Variants in ENTREP1 observed in about 807,000 individuals in gnomAD.
ENTREP1 encodes the protein Friedreich ataxia region gene X123.
chr9:69,328,442 G>T, the ENTREP1 span, among the ~76,000 whole-genome samples: 1 of 151,982 alleles, frequency 6.6e-6, no homozygotes, highest in Non-Finnish European at 1.5e-5. Flanking sequence ...TAGAAAGAAG[G>T]GTGTAATGAT....
chr9:69,349,184 CAAAAAAAAAAAAAAAAAAAAAAAA>C, the ENTREP1 span, among the ~76,000 whole-genome samples: 1 of 85,290 alleles, frequency 1.2e-5, no homozygotes, highest in Non-Finnish European at 2.3e-5. Context: ...AACTCCATCT[CAAAAAAAAAAAAAAAAAAAAAAAA>C]AAAGAGAAAA....
At chr9:69,384,152 G>A in the ENTREP1 span, 331 of 631,926 alleles carry the variant, frequency 5.2e-4, 1 homozygote, top group African/African-American at 5.2e-3. Context: ...GAGGCCAGGA[G>A]TTTGAGGCCA....
chr9:69,335,361 C>T, the ENTREP1 span, among the ~76,000 whole-genome samples: 2 of 152,108 alleles, frequency 1.3e-5, no homozygotes, highest in African/African-American at 4.8e-5. Flanking sequence ...GTGAGGGCTT[C>T]TCAGGGCAGG....
the ENTREP1 span, chr9:69,386,051 G>A: frequency 9.1e-7 from 1 of 1,101,066 alleles, no homozygotes; most frequent in Non-Finnish European, 1.2e-6. Flanking sequence ...TGCAGTTTAA[G>A]TGGTCATTTG....
chr9:69,358,171 ACTTCTTC>A, the ENTREP1 span, among the ~76,000 whole-genome samples: 15 of 152,170 alleles, frequency 9.9e-5, no homozygotes, highest in Middle Eastern at 3.4e-3. Context: ...TACCATTCTC[ACTTCTTC>A]CTTTGACATA....
chr9:69,337,408 A>G, the ENTREP1 span, among the ~76,000 whole-genome samples: 1 of 152,184 alleles, frequency 6.6e-6, no homozygotes, highest in Non-Finnish European at 1.5e-5. Context: ...ATTTTGTTGC[A>G]TAGATTTGCT....
At chr9:69,345,240 T>A in the ENTREP1 span, among the ~76,000 whole-genome samples, 1 of 152,134 alleles carries the variant, frequency 6.6e-6, no homozygotes, top group African/African-American at 2.4e-5. Context: ...GTCTCAACGG[T>A]GATACCAAAG....
the ENTREP1 span, chr9:69,329,371 AT>A: frequency 1.0e-6 from 1 of 967,472 alleles, no homozygotes; most frequent in South Asian, 4.8e-5. Flanking sequence ...GTTCAAGGAT[AT>A]TTTTTCATAT....
the ENTREP1 span, among the ~76,000 whole-genome samples, chr9:69,332,805 C>T: frequency 6.6e-6 from 1 of 152,100 alleles, no homozygotes; most frequent in African/African-American, 2.4e-5. Flanking sequence ...ACTCCTGGGA[C>T]TTTTTTCCGC....
chr9:69,345,362 C>T, the ENTREP1 span, among the ~76,000 whole-genome samples: 1 of 152,190 alleles, frequency 6.6e-6, no homozygotes, highest in Non-Finnish European at 1.5e-5. Flanking sequence ...AGATTTGGGT[C>T]AGACCCAGAT....
chr9:69,371,523 G>C, the ENTREP1 span: 2 of 1,613,766 alleles, frequency 1.2e-6, no homozygotes, highest in Non-Finnish European at 1.7e-6. Flanking sequence ...GCTGCTCTCT[G>C]TGGTTTGTGT....
chr9:69,374,323 C>G, the ENTREP1 span, among the ~76,000 whole-genome samples: 1 of 152,018 alleles, frequency 6.6e-6, no homozygotes, highest in Non-Finnish European at 1.5e-5. Context: ...CTGCTGTGAG[C>G]ATTATTGTTT....
chr9:69,375,037 G>C, the ENTREP1 span, among the ~76,000 whole-genome samples: 2 of 152,202 alleles, frequency 1.3e-5, no homozygotes, highest in African/African-American at 4.8e-5. Flanking sequence ...TGTATAATGA[G>C]TAAACTTTCA....
At chr9:69,326,715 C>G in the ENTREP1 span, among the ~76,000 whole-genome samples, 4 of 149,632 alleles carry the variant, frequency 2.7e-5, no homozygotes, top group Admixed American at 1.3e-4. Flanking sequence ...CTCTTTATAT[C>G]TTTTTTTTTT....
At chr9:69,381,794 G>T in the ENTREP1 span, 1 of 152,212 alleles carries the variant, frequency 6.6e-6, no homozygotes. Flanking sequence ...AACTCTAGCA[G>T]CATCTTCCTT....
chr9:69,369,468 A>G, the ENTREP1 span, among the ~76,000 whole-genome samples: 4 of 151,962 alleles, frequency 2.6e-5, no homozygotes, highest in Non-Finnish European at 4.4e-5. Flanking sequence ...AAGTGTTCCT[A>G]TTTCTCTACA....
chr9:69,377,472 T>C, the ENTREP1 span: 47 of 1,613,364 alleles, frequency 2.9e-5, no homozygotes, highest in Non-Finnish European at 4.2e-6. Flanking sequence ...CAGGAGATCC[T>C]GCATCGTAAG....
the ENTREP1 span, chr9:69,388,509 G>GCGGAGAAGCCACTT: frequency 2.2e-6 from 3 of 1,341,706 alleles, no homozygotes; most frequent in Non-Finnish European, 3.0e-6. Context: ...AGCAGCTAAA[G>GCGGAGAAGCCACTT]TGGCTTCTCC....
the ENTREP1 span, among the ~76,000 whole-genome samples, chr9:69,349,140 C>T: frequency 7.9e-6 from 1 of 126,584 alleles, no homozygotes; most frequent in East Asian, 2.3e-4. Context: ...GCCAAGATTG[C>T]ACCATGCTAC....
Sources: gnomAD v4.1 joint callset for allele counts (sites outside exome capture counted in the v4.1 genomes callset) on GRCh38, gnomAD v4.1.1 for gene constraint, MANE v1.5 for transcripts, NCBI Gene and HGNC (gene_info 2026-07-23, HGNC 2026-07-21) for gene names.